CAD: variants seen among roughly 807,000 people sequenced by gnomAD.
CAD encodes the protein multifunctional protein CAD.
A neutral mutation model predicts 237.2 loss-of-function variants in CAD; 81 were observed. The observed-to-expected ratio is 0.34, with a 90% CI of 0.29 to 0.41. The LOEUF is 0.41. CAD is among the 10% of genes least tolerant of loss of function. CAD has a pLI of 1.00. For missense variants in CAD, 2,181 were observed against 2,951.7 expected, an observed-to-expected ratio of 0.74 and a Z score of 6.05; for synonymous variants, 1,196 against 1,162.8, an observed-to-expected ratio of 1.03 and a Z score of -0.58.
intron 2 of CAD, among the ~76,000 whole-genome samples, chr2:27,220,387 A>T (rs1299600260): frequency 6.6e-6 from 1 of 152,072 alleles, no homozygotes; most frequent in Non-Finnish European, 1.5e-5. Flanking sequence ...GTAGCTCATG[A>T]CTTGTAATCC....
rs1676297928 is a variant in CAD at position 27,241,170 on chromosome 2, G to A, written c.5751G>A (p.Leu1917=). ...PGLLHPQTSP[L]LHSLVGQHIL... Reference sequence around the variant, plus strand: ...TGCTGCACCCCCAGACCTCACCCCTGCTGCACTCATTAGTGGGCCAACATA... The same window carrying A: ...TGCTGCACCCCCAGACCTCACCCCTACTGCACTCATTAGTGGGCCAACATA... The change falls in exon 37 of 44, where the codon CTG becomes CTA. Residue 1917 remains leucine (L), a synonymous_variant. Coordinates refer to ENST00000264705, the MANE Select transcript of CAD (RefSeq NM_004341.5). The surrounding 1 kb of genome is among the most constrained non-coding windows in gnomAD (Gnocchi z 4.6). The A allele has an allele frequency of 1.9e-6, 3 of 1,612,948 alleles. No homozygotes were observed. Among genetic ancestry groups the A allele is most frequent in the Non-Finnish European group, 8.5e-7 (1 of 1,179,530 alleles).
In CAD at chr2:27,222,897, T is replaced by A. The variant is rs376848110; in HGVS notation, c.669T>A (p.Pro223=). The change falls in exon 6 of 44, where the codon CCT becomes CCA. Residue 223 remains proline (P), a synonymous_variant. Transcript: ENST00000264705. ...EYEGLFLSNG[P]GDPASYPSVV... is the part of the protein sequence containing the mutation. Reference sequence around the variant, plus strand: ...AGGGTCTCTTCTTAAGTAATGGGCCTGGTGACCCTGCCTCCTATCCCAGTG... The same window carrying A: ...AGGGTCTCTTCTTAAGTAATGGGCCAGGTGACCCTGCCTCCTATCCCAGTG... The A allele has an allele frequency of 3.7e-6, 6 of 1,614,086 alleles. No individual in the cohort carries two copies. The African/African-American group carries it at 8.0e-5, about 22-fold the overall frequency.
At position 27,223,931 on chromosome 2, in the gene CAD, C is replaced by T; in HGVS notation, c.1010C>T (p.Pro337Leu). 6.2e-7 allele frequency: 1 copy of T among 1,613,238 alleles called. No homozygotes were observed. Among genetic ancestry groups the T allele is most frequent in the Non-Finnish European group, 8.5e-7 (1 of 1,179,154 alleles). ...SLPFFSVQFH[P>L]EHQAGPSDME... is the part of the protein sequence containing the mutation. ...CTCTTCAATAGTGTCCAGTTTCACC[C>T]AGAGCACCAAGCTGGCCCTTCAGAT... is the stretch of plus-strand genomic sequence containing the variant. The change falls in exon 8 of 44, where the codon CCA becomes CTA. Residue 337 changes from proline (P) to leucine (L), a missense_variant. Physicochemically the swap from Pro to Leu is moderately conservative, Grantham distance 98 (BLOSUM62 -3). Coordinates refer to ENST00000264705, the MANE Select transcript of CAD (RefSeq NM_004341.5).
In CAD at chr2:27,223,698, C is replaced by T. The variant is rs1171360627; in HGVS notation, c.945C>T (p.Ala315=). 6.2e-7 allele frequency: 1 copy of T among 1,614,050 alleles called. No individual in the cohort carries two copies. The highest frequency in any genetic ancestry group is 8.5e-7 in the Non-Finnish European group (1 of 1,180,036). The change falls in exon 7 of 44, where the codon GCC becomes GCT. Residue 315 remains alanine (A), a synonymous_variant. Transcript: ENST00000264705. ...ACTGGGCTCCTCTCTTCACCAACGCCAATGATGGTTCCAATGAAGGCATTG... is the reference window on the plus strand; with the variant it reads ...ACTGGGCTCCTCTCTTCACCAACGCTAATGATGGTTCCAATGAAGGCATTG... The part of the protein sequence containing the change: ...PADWAPLFTN[A]NDGSNEGIVH...
At chr2:27,243,050 A>T in intron 42 of CAD, 77 bp downstream of exon 42, 5 of 1,386,918 alleles carry the variant, frequency 3.6e-6, no homozygotes, top group Non-Finnish European at 5.0e-6. Context: ...GGCTGGGCTG[A>T]GGGCTGGGTC....
intron 15 of CAD, among the ~76,000 whole-genome samples, chr2:27,231,011 T>G (rs1675725550): frequency 6.6e-6 from 1 of 152,176 alleles, no homozygotes; most frequent in African/African-American, 2.4e-5. Flanking sequence ...TGTTTGTTTG[T>G]TTTGTTTTGT....
At position 27,239,059 on chromosome 2, in the gene CAD, G is replaced by A. The variant is rs1676166632; in HGVS notation, c.5080G>A (p.Glu1694Lys). The change falls in exon 32 of 44, where the codon GAG becomes AAG. Residue 1694 changes from glutamate to lysine, a missense_variant. Around this residue, in one of 12 missense-constraint regions of CAD, gnomAD observed 478 missense variants for 515.0 expected, o/e 0.93. Transcript: ENST00000264705. This position sits in a 1 kb window ranked among gnomAD's most constrained non-coding sequence, Gnocchi z 4.0. Reference protein sequence around the residue: ...ASDHAPHTLEEKCGSRPPPGF... With the variant: ...ASDHAPHTLEKKCGSRPPPGF... ...TCTCCCAGCTCCCCATACCTTGGAG[G>A]AGAAGTGTGGGTCCAGGCCCCCACC... is the stretch of plus-strand genomic sequence containing the variant. 5 of 1,569,308 alleles carry A rather than the reference G, an allele frequency of 3.2e-6. No homozygotes were observed. Among genetic ancestry groups the A allele is most frequent in the African/African-American group, 1.4e-5 (1 of 73,152 alleles).
At chr2:27,229,132 A>T (rs1026449125) in intron 15 of CAD, among the ~76,000 whole-genome samples, 3 of 149,756 alleles carry the variant, frequency 2.0e-5, no homozygotes, top group African/African-American at 7.4e-5. Flanking sequence ...ACTGCTTAGG[A>T]TGGTCTCGAT....
At chr2:27,231,413 T>G (rs776870970) in intron 15 of CAD, 55 bp from the exon 16 acceptor site, 18 of 1,026,826 alleles carry the variant, frequency 1.8e-5, no homozygotes, top group Non-Finnish European at 2.6e-5. Context: ...GGGCAGTGCC[T>G]TCTTCCCACC....
At position 27,232,344 on chromosome 2, in the gene CAD, G is replaced by C. The variant is rs1675800975; in HGVS notation, c.2646-104G>C. ...GAGAGCTTTAGAGGCTTCTGACCTT[G>C]GTTCCAAGGATATTTCCTCTCATCT... On this transcript the variant is annotated intron_variant, in intron 17 of 43. Coordinates refer to ENST00000264705, the MANE Select transcript of CAD (RefSeq NM_004341.5). The surrounding 1 kb of genome is among the most constrained non-coding windows in gnomAD (Gnocchi z 4.1). 6.3e-7 allele frequency: 1 copy of C among 1,575,394 alleles called. No homozygotes were observed. The highest frequency in any genetic ancestry group is 8.6e-7 in the Non-Finnish European group (1 of 1,160,338).
chr2:27,227,062 C>T, intron 15 of CAD, 100 bp downstream of exon 15: 2 of 1,013,644 alleles, frequency 2.0e-6, no homozygotes, highest in Admixed American at 3.8e-5. Flanking sequence ...CCTATGGGAG[C>T]AGGTGCTTGA....
chr2:27,219,054 A>C lies in CAD; in HGVS notation c.222+1038A>C, dbSNP rs184908038. On this transcript the variant is annotated intron_variant, in intron 2 of 43. Transcript: ENST00000264705. ...GTCAGTCATCACCTTTGTCAACTCT[A>C]GACACACTGACTAAATTGAGTTTAT... 2.1e-4 allele frequency among the ~76,000 whole-genome samples: 32 copies of C among 152,334 alleles called. 1 individual carries two copies. The highest frequency in any genetic ancestry group is 2.0e-3 in the Admixed American group (30 of 15,304).
chr2:27,224,019 G>T lies in CAD; in HGVS notation c.1098G>T (p.Gly366=). The part of the protein sequence containing the change: ...TVKEATAGNP[G]GQTVRERLTE... ...AAGAGGCCACAGCTGGGAACCCTGGGGGCCAGACAGGTAAGATCCTGAGTA... is the reference window on the plus strand; with the variant it reads ...AAGAGGCCACAGCTGGGAACCCTGGTGGCCAGACAGGTAAGATCCTGAGTA... Residue 366 remains glycine, a synonymous_variant, in exon 8 of 44, where the codon GGG becomes GGT. Coordinates refer to ENST00000264705, the MANE Select transcript of CAD (RefSeq NM_004341.5). 1 of 1,610,242 alleles carries T rather than the reference G, an allele frequency of 6.2e-7. No individual in the cohort carries two copies. The highest frequency in any genetic ancestry group is 1.7e-4 in the Middle Eastern group (1 of 6,054).
At chr2:27,231,734 A>G (rs1675768727) in intron 16 of CAD, among the ~76,000 whole-genome samples, 154 bp downstream of exon 16, 1 of 152,256 alleles carries the variant, frequency 6.6e-6, no homozygotes, top group African/African-American at 2.4e-5. Flanking sequence ...ATGTCTCATT[A>G]GCACGCAAGG....
Position 27,224,406 on chromosome 2 carries a change from TCCA to T in CAD, c.1178_1180del (p.Pro393del), listed in dbSNP as rs1191108242. The T allele has an allele frequency of 6.2e-7, 1 of 1,614,078 alleles. No homozygotes were observed. The highest frequency in any genetic ancestry group is 8.5e-7 in the Non-Finnish European group (1 of 1,180,034). The stretch of plus-strand genomic sequence containing the variant: ...GGATTCCCACTCCCGGCTCTGGACT[TCCA>T]CCACCACGAAAGGTTCTGATCCTGG... On this transcript the variant is annotated inframe_deletion, in exon 9 of 44. Transcript: ENST00000264705.
rs1281508881 is a variant in CAD, at chr2:27,243,790, T to C, written c.*272T>C. On this transcript the variant is annotated 3_prime_UTR_variant, in exon 44 of 44. Transcript: ENST00000264705. Reference sequence around the variant, plus strand: ...AAACAGCCGAGCTGTCCCTTGATGCTGAGTGTAGTAGAACAGAGCTTTCTT... The same window carrying C: ...AAACAGCCGAGCTGTCCCTTGATGCCGAGTGTAGTAGAACAGAGCTTTCTT... 2.3e-5 allele frequency: 11 copies of C among 472,762 alleles called. No individual in the cohort carries two copies. The highest frequency in any genetic ancestry group is 4.2e-5 in the Non-Finnish European group (11 of 264,834). The allele number at this position is 472,762 out of a possible 1,614,324, so 29.3% of individuals were successfully genotyped here. A position where few individuals can be genotyped will look rare whatever the true frequency, so the allele number is the denominator to read the frequency against.
Position 27,239,566 on chromosome 2 carries a change from T to G in CAD, c.5394+95T>G. The G allele has an allele frequency of 3.2e-6, 5 of 1,542,654 alleles. No individual in the cohort carries two copies. Among genetic ancestry groups the G allele is most frequent in the Non-Finnish European group, 3.6e-6 (4 of 1,125,128 alleles). The stretch of plus-strand genomic sequence containing the variant: ...AGCACATCTACACTGTCCCACTATG[T>G]GCACCACTGCCCTGGACCAGGGGTT... On this transcript the variant is annotated intron_variant, in intron 33 of 43. Transcript: ENST00000264705. The surrounding 1 kb of genome is among the most constrained non-coding windows in gnomAD (Gnocchi z 4.0).
chr2:27,237,504 C>G lies in CAD; in HGVS notation c.4522C>G (p.Pro1508Ala), dbSNP rs754468930. The G allele has an allele frequency of 1.9e-6, 3 of 1,613,890 alleles. No homozygotes were observed. The highest frequency in any genetic ancestry group is 1.7e-4 in the Middle Eastern group (1 of 6,002). ...TMVCAMPNTRPPIIDAPALAL... is the reference protein window; with the variant it reads ...TMVCAMPNTRAPIIDAPALAL... ...GGTGTGTGCCATGCCTAATACCCGG[C>G]CCCCCATCATTGACGCCCCTGCTCT... The change falls in exon 28 of 44, where the codon CCC becomes GCC. Residue 1508 changes from proline (P) to alanine (A), a missense_variant. Pro to Ala is a conservative substitution (Grantham distance 27, BLOSUM62 -1). Coordinates refer to ENST00000264705, the MANE Select transcript of CAD (RefSeq NM_004341.5). The surrounding 1 kb of genome is among the most constrained non-coding windows in gnomAD (Gnocchi z 4.0).
chr2:27,226,669 A>C lies in CAD; in HGVS notation c.2156+20A>C, dbSNP rs1675456210. ...GCTCAGGTACGAGGATGAGGGAGAT[A>C]TCACAGTGGGGAAGTGGGTCGGGGG... is the stretch of plus-strand genomic sequence containing the variant. On this transcript the variant is annotated intron_variant, in intron 14 of 43. Transcript: ENST00000264705. The C allele has an allele frequency of 1.2e-6, 2 of 1,613,772 alleles. No individual in the cohort carries two copies. Among genetic ancestry groups the C allele is most frequent in the Middle Eastern group, 3.4e-4 (2 of 5,932 alleles).
Sources: allele counts gnomAD v4.1 joint callset (sites outside exome capture counted in the v4.1 genomes callset), GRCh38; gene constraint gnomAD v4.1.1; regional missense constraint gnomAD v4.1.1; non-coding constraint Gnocchi (gnomAD v3.1); transcripts MANE v1.5; gene names NCBI Gene and HGNC (gene_info 2026-07-23, HGNC 2026-07-21).